The following HDAC4 variants were observed in gnomAD, a reference collection of about 807,000 sequenced individuals.
HDAC4 encodes histone deacetylase A.
Under a neutral mutation model 135.1 loss-of-function variants are expected in HDAC4, and 16 were observed. The observed-to-expected ratio is 0.12, with a 90% CI of 0.08 to 0.18. The LOEUF (loss-of-function observed/expected upper bound fraction) is 0.18. Among genes scored for constraint, HDAC4 ranks in the 10% least tolerant of loss-of-function variants. HDAC4 has a pLI of 1.00. For synonymous variants in HDAC4, 685 were observed against 653.4 expected, an observed-to-expected ratio of 1.05 and a Z score of -0.74; for missense variants, 1,143 against 1,511.8, an observed-to-expected ratio of 0.76 and a Z score of 4.05.
chr2:239,173,163 GCA>G (rs1395901274), intron 5 of HDAC4, among the ~76,000 whole-genome samples: 2 of 152,142 alleles, frequency 1.3e-5, no homozygotes, highest in Non-Finnish European at 2.9e-5. Flanking sequence ...TCTGAGGCCA[GCA>G]CAGTCATGAC....
Position 239,240,123 on chromosome 2 carries a change from T to C in HDAC4, c.23-3459A>G, listed in dbSNP as rs78205792. Among the ~76,000 whole-genome samples, 5,927 of 152,372 alleles carry C rather than the reference T, an allele frequency of 0.039. 334 individuals are homozygous for C. The highest frequency in any genetic ancestry group is 0.12 in the African/African-American group (4,898 of 41,586). ...CGAGAAGCCAAACACTAAAGGCGTTTTGCCAGAGGTGGCTGGTGGAACACA... is the reference window on the plus strand; with the variant it reads ...CGAGAAGCCAAACACTAAAGGCGTTCTGCCAGAGGTGGCTGGTGGAACACA... On this transcript the variant is annotated intron_variant, in intron 2 of 26. Coordinates refer to ENST00000543185, the MANE Select transcript of HDAC4 (RefSeq NM_001378414.1). This position sits in a 1 kb window ranked among gnomAD's most constrained non-coding sequence, Gnocchi z 4.5.
chr2:239,156,589 C>T lies in HDAC4; in HGVS notation c.733+63G>A, dbSNP rs150550084. 8.7e-4 allele frequency: 1,402 copies of T among 1,611,182 alleles called. 13 individuals carry two copies. In the African/African-American group the frequency reaches 0.016, roughly 19 times the overall value. On this transcript the variant is annotated intron_variant, in intron 7 of 26. Transcript: ENST00000543185. The stretch of plus-strand genomic sequence containing the variant: ...GAAGACAGCGGTGGGCCCTGCGTGG[C>T]TTGTGGCGTGGAAGGTGCCCGTGCA...
intron 18 of HDAC4, chr2:239,089,806 A>G (rs902723040): frequency 1.7e-6 from 1 of 601,388 alleles, no homozygotes; most frequent in Non-Finnish European, 3.0e-6. Flanking sequence ...GAATCTCTGT[A>G]CTATGCACAT....
At chr2:239,154,634 G>A (rs1350237645) in intron 7 of HDAC4, 1 of 152,160 alleles carries the variant, frequency 6.6e-6, no homozygotes, top group Non-Finnish European at 1.5e-5. Context: ...CTTTGGTTTT[G>A]TTGATGGAAT....
At chr2:239,276,733 C>T (rs2050391022) in intron 2 of HDAC4, among the ~76,000 whole-genome samples, 1 of 152,188 alleles carries the variant, frequency 6.6e-6, no homozygotes, top group Non-Finnish European at 1.5e-5. Flanking sequence ...CTGCTCGCTG[C>T]CCAGACAAAG....
intron 1 of HDAC4, among the ~76,000 whole-genome samples, chr2:239,393,987 C>A (rs566793887): frequency 6.6e-6 from 1 of 151,688 alleles, no homozygotes; most frequent in African/African-American, 2.4e-5. Flanking sequence ...ACCCCCAACC[C>A]CACCACCAGG....
chr2:239,335,999 CAATA>C (rs1364724928), intron 2 of HDAC4, among the ~76,000 whole-genome samples: 1 of 152,052 alleles, frequency 6.6e-6, no homozygotes, highest in Non-Finnish European at 1.5e-5. Flanking sequence ...GCAATTGAAC[CAATA>C]AATAATTTGT....
chr2:239,066,770 G>A lies in HDAC4; in HGVS notation c.2955C>T (p.Ala985=). Residue 985 remains alanine (A), a synonymous_variant, in exon 24 of 27, where the codon GCC becomes GCT. Coordinates refer to ENST00000543185, the MANE Select transcript of HDAC4 (RefSeq NM_001378414.1). ...LALEGGHDLT[A]ICDASEACVS... is the part of the protein sequence containing the mutation. Reference sequence around the variant, plus strand: ...CACATGCTTCCGAGGCGTCGCAAATGGCGGTCAGGTCGTGGCCTCCCTCGA... The same window carrying A: ...CACATGCTTCCGAGGCGTCGCAAATAGCGGTCAGGTCGTGGCCTCCCTCGA... 1 of 1,613,954 alleles carries A rather than the reference G, an allele frequency of 6.2e-7. No homozygotes were observed. The highest frequency in any genetic ancestry group is 8.5e-7 in the Non-Finnish European group (1 of 1,180,040).
At chr2:239,223,855 TAA>T (rs529710659) in intron 3 of HDAC4, among the ~76,000 whole-genome samples, 9 of 139,366 alleles carry the variant, frequency 6.5e-5, no homozygotes, top group African/African-American at 5.3e-5. Context: ...AAACATTGTT[TAA>T]AAAAAAAAAA....
At chr2:239,212,980 C>T (rs1457452538) in intron 3 of HDAC4, among the ~76,000 whole-genome samples, 1 of 152,198 alleles carries the variant, frequency 6.6e-6, no homozygotes, top group African/African-American at 2.4e-5. Flanking sequence ...CCCCCTCTAG[C>T]CTCTGTACCC....
chr2:239,335,157 A>C (rs1691846864), intron 2 of HDAC4, among the ~76,000 whole-genome samples: 2 of 152,332 alleles, frequency 1.3e-5, no homozygotes, highest in Admixed American at 1.3e-4. Context: ...TCTATTAGTT[A>C]AGACAGTGTT....
intron 2 of HDAC4, among the ~76,000 whole-genome samples, chr2:239,276,181 AAG>A (rs1328199524): frequency 1.3e-5 from 2 of 152,222 alleles, no homozygotes; most frequent in East Asian, 3.9e-4. Flanking sequence ...AGAGAACCTG[AAG>A]ATGGCAGACA....
chr2:239,228,806 A>G (rs1575466870), intron 3 of HDAC4, among the ~76,000 whole-genome samples: 1 of 152,164 alleles, frequency 6.6e-6, no homozygotes, highest in East Asian at 1.9e-4. Context: ...GTAGTGACCA[A>G]GCAGGAGGGC....
At chr2:239,369,378 G>A (rs1316001361) in intron 1 of HDAC4, among the ~76,000 whole-genome samples, 2 of 152,128 alleles carry the variant, frequency 1.3e-5, no homozygotes, top group African/African-American at 4.8e-5. Context: ...CAGCCCGGGA[G>A]CCACAGGGCT....
intron 24 of HDAC4, among the ~76,000 whole-genome samples, chr2:239,065,077 C>T (rs528487307): frequency 4.1e-4 from 62 of 152,320 alleles, no homozygotes; most frequent in Non-Finnish European, 7.9e-4. Context: ...CTTAGTTGCA[C>T]GGCACCCGGA....
chr2:239,237,932 C>T (rs979841555), intron 2 of HDAC4, among the ~76,000 whole-genome samples: 7 of 152,240 alleles, frequency 4.6e-5, no homozygotes, highest in African/African-American at 1.7e-4. Context: ...CAGTAAGACA[C>T]TGGGCATATT....
intron 7 of HDAC4, among the ~76,000 whole-genome samples, chr2:239,151,004 C>G (rs1379858942): frequency 1.3e-5 from 2 of 152,264 alleles, no homozygotes; most frequent in Non-Finnish European, 2.9e-5. Flanking sequence ...TTCCTGGTCC[C>G]ACCCCTCTCC....
chr2:239,174,342 A>G (rs1025523359), intron 5 of HDAC4, among the ~76,000 whole-genome samples: 3 of 152,236 alleles, frequency 2.0e-5, no homozygotes, highest in African/African-American at 7.2e-5. Flanking sequence ...GAGACCTCGC[A>G]TCAGAAAAAT....
At chr2:239,114,011 T>A (rs1316488949) in intron 13 of HDAC4, among the ~76,000 whole-genome samples, 2 of 152,182 alleles carry the variant, frequency 1.3e-5, no homozygotes, top group East Asian at 3.9e-4. Context: ...CCCAGAAGCC[T>A]CTGGAGACCA....
Sources: allele counts gnomAD v4.1 joint callset (sites outside exome capture counted in the v4.1 genomes callset), GRCh38; gene constraint gnomAD v4.1.1; non-coding constraint Gnocchi (gnomAD v3.1); transcripts MANE v1.5; gene names NCBI Gene and HGNC (gene_info 2026-07-23, HGNC 2026-07-21).